Variants in SERINC3 observed in about 807,000 individuals in gnomAD.
SERINC3 encodes tumor differentially expressed protein 1.
SERINC3 carries 22 observed loss-of-function variants against 52.1 expected under a neutral mutation model. The ratio of observed to expected loss-of-function variants is 0.42; its 90% CI spans 0.30 to 0.60. The LOEUF (loss-of-function observed/expected upper bound fraction) is 0.60, where lower values mean the gene tolerates loss of function less well. SERINC3 is among the 20% of genes least tolerant of loss of function. The probability of loss-of-function intolerance (pLI) is 0.16; values close to 1 mark genes in which losing one functional copy is unlikely to be tolerated. For missense variants in SERINC3, 564 were observed against 584.6 expected (o/e 0.96, Z 0.36); for synonymous variants, 226 against 212.7 (o/e 1.06, Z -0.54).
chr20:44,519,821 C>A (rs901432066), intron 1 of SERINC3, among the ~76,000 whole-genome samples: 1 of 151,980 alleles, frequency 6.6e-6, no homozygotes, highest in African/African-American at 2.4e-5. Flanking sequence ...GTAGAAAGAG[C>A]TGAAACAGAA....
Position 44,498,260 on chromosome 20 carries a change from T to C in SERINC3, c.*2036A>G, listed in dbSNP as rs576145215. 6.6e-6 allele frequency: 1 copy of C among 152,350 alleles called. No individual in the cohort carries two copies. Among genetic ancestry groups the C allele is most frequent in the South Asian group, 2.1e-4 (1 of 4,822 alleles). The allele number at this position is 152,350 out of a possible 1,614,324, so 9.4% of individuals were successfully genotyped here. On this transcript the variant is annotated 3_prime_UTR_variant, in exon 10 of 10. Coordinates refer to ENST00000342374, the MANE Select transcript of SERINC3 (RefSeq NM_006811.4). The stretch of plus-strand genomic sequence containing the variant: ...AGAAATCTACCTCTCCTTCATATTA[T>C]TCATAACTGCCAGTGTTAAAATTCT...
chr20:44,503,561 C>T (rs923342308), intron 8 of SERINC3, among the ~76,000 whole-genome samples: 7 of 152,154 alleles, frequency 4.6e-5, no homozygotes, highest in African/African-American at 1.4e-4. Flanking sequence ...GGCAGAAGAA[C>T]TGCTTGAACC....
At chr20:44,512,326 A>C (rs1012092040) in intron 3 of SERINC3, among the ~76,000 whole-genome samples, 11 of 135,620 alleles carry the variant, frequency 8.1e-5, no homozygotes. Context: ...AAAACAAAAC[A>C]AAAAAAAAAA....
rs200866669 is a variant in SERINC3, at chr20:44,501,462, A to AT, written c.1056-163dup. Among the ~76,000 whole-genome samples, 1,355 of 152,370 alleles carry AT rather than the reference A, an allele frequency of 8.9e-3. 14 individuals are homozygous for AT. The highest frequency in any genetic ancestry group is 0.013 in the Non-Finnish European group (852 of 68,024). On this transcript the variant is annotated intron_variant, in intron 8 of 9. Coordinates refer to ENST00000342374, the MANE Select transcript of SERINC3 (RefSeq NM_006811.4). Reference sequence around the variant, plus strand: ...AAGTTCTGAACTGCTGCCTGTCATCATAAGACTGACGTCACTGTCATCAGT... The same window carrying AT: ...AAGTTCTGAACTGCTGCCTGTCATCATTAAGACTGACGTCACTGTCATCAGT...
chr20:44,504,064 T>A, intron 7 of SERINC3, 69 bp from the exon 8 acceptor site: 4 of 1,290,176 alleles, frequency 3.1e-6, no homozygotes, highest in Non-Finnish European at 3.2e-6. Flanking sequence ...ACTTGAGGAG[T>A]TCCCTACATA....
Position 44,513,985 on chromosome 20 carries a change from C to T in SERINC3, c.95G>A (p.Ser32Asn), listed in dbSNP as rs1568790032. The T allele has an allele frequency of 1.2e-6, 2 of 1,614,024 alleles. No homozygotes were observed. The highest frequency in any genetic ancestry group is 1.7e-5 in the Admixed American group (1 of 59,998). ...SCLLCSCCPN[S>N]KNSTVTRLIY... The stretch of plus-strand genomic sequence containing the variant: ...GAGGCGAGTCACCGTGGAATTCTTA[C>T]TGTTAGGACAGCAACTACACAGCAA... Residue 32 changes from serine to asparagine, a missense_variant, in exon 2 of 10, where the codon AGT becomes AAT. By Grantham distance (46) the Ser-to-Asn change is conservative. Coordinates refer to ENST00000342374, the MANE Select transcript of SERINC3 (RefSeq NM_006811.4).
At chr20:44,520,329 CCAGA>C (rs1237828566) in intron 1 of SERINC3, among the ~76,000 whole-genome samples, 2 of 152,162 alleles carry the variant, frequency 1.3e-5, no homozygotes, top group African/African-American at 2.4e-5. Context: ...CGCCACTGCC[CCAGA>C]CAGAGCATGG....
Position 44,501,125 on chromosome 20 carries a change from T to C in SERINC3, c.1231A>G (p.Met411Val), listed in dbSNP as rs2064276987. 1 of 1,614,106 alleles carries C rather than the reference T, an allele frequency of 6.2e-7. No individual in the cohort carries two copies. Among genetic ancestry groups the C allele is most frequent in the East Asian group, 2.2e-5 (1 of 44,874 alleles). The change falls in exon 9 of 10, where the codon ATG becomes GTG. Residue 411 changes from methionine to valine, a missense_variant. Physicochemically the swap from Met to Val is conservative, Grantham distance 21. Coordinates refer to ENST00000342374, the MANE Select transcript of SERINC3 (RefSeq NM_006811.4). Reference protein sequence around the residue: ...VQYSYSLFHLMLCLASLYIMM... With the variant: ...VQYSYSLFHLVLCLASLYIMM... ...ATGTACAAGGAAGCCAAGCAGAGCA[T>C]GAGGTGGAATAAGGAGTAGCTATAC...
rs2064258923 is a variant in SERINC3 at position 44,498,236 on chromosome 20, G to T, written c.*2060C>A. The T allele has an allele frequency of 6.6e-6, 1 of 152,180 alleles. No individual in the cohort carries two copies. Among genetic ancestry groups the T allele is most frequent in the Non-Finnish European group, 1.5e-5 (1 of 68,032 alleles). 9.4% of individuals were successfully genotyped at this position (152,180 alleles called of 1,614,324 possible). On this transcript the variant is annotated 3_prime_UTR_variant, in exon 10 of 10. Coordinates refer to ENST00000342374, the MANE Select transcript of SERINC3 (RefSeq NM_006811.4). ...CAGCTGGTTAAACCAGAATCACTCA[G>T]AAATCTACCTCTCCTTCATATTATT...
intron 3 of SERINC3, among the ~76,000 whole-genome samples, chr20:44,512,569 C>T (rs2064355070): frequency 6.6e-6 from 1 of 151,974 alleles, no homozygotes; most frequent in African/African-American, 2.4e-5. Context: ...GAACATGAAG[C>T]AAAGGAATTT....
chr20:44,521,847 G>A, intron 1 of SERINC3, 66 bp downstream of exon 1: 1 of 1,488,666 alleles, frequency 6.7e-7, no homozygotes, highest in South Asian at 1.2e-5. Flanking sequence ...GGCCCGTGCA[G>A]CTCTGGTCTC....
At position 44,501,268 on chromosome 20, in the gene SERINC3, T is replaced by C; in HGVS notation, c.1088A>G (p.Lys363Arg). ...IRTSTNSQVDKLTLSGSDSVI... is the reference protein window; with the variant it reads ...IRTSTNSQVDRLTLSGSDSVI... ...GCTGTCACTCCCTGACAGGGTCAGC[T>C]TGTCTACTTGGCTATTAGTGGAAGT... Residue 363 changes from lysine to arginine, a missense_variant, in exon 9 of 10, where the codon AAG (lysine) becomes AGG (arginine). By Grantham distance (26) the Lys-to-Arg change is conservative. Transcript: ENST00000342374. 6.2e-7 allele frequency: 1 copy of C among 1,614,182 alleles called. No individual in the cohort carries two copies. The highest frequency in any genetic ancestry group is 1.1e-5 in the South Asian group (1 of 91,082).
rs1293959783 is a variant in SERINC3, at chr20:44,498,062, T to C, written c.*2234A>G. The C allele has an allele frequency of 1.3e-5, 2 of 151,182 alleles. No individual in the cohort carries two copies. Among genetic ancestry groups the C allele is most frequent in the African/African-American group, 2.5e-5 (1 of 40,680 alleles). The allele number at this position is 151,182 out of a possible 1,614,324, so 9.4% of individuals were successfully genotyped here. A position where few individuals can be genotyped will look rare whatever the true frequency, so the allele number is the denominator to read the frequency against. On this transcript the variant is annotated 3_prime_UTR_variant, in exon 10 of 10. Transcript: ENST00000342374. ...AACAAATAATAGCTGACAAGTTTGA[T>C]AGCCAGAAAACGGCAAAGCTGGGAT...
At position 44,514,034 on chromosome 20, in the gene SERINC3, A is replaced by G; in HGVS notation, c.46T>C (p.Cys16Arg). ...GVFSLASWVP[C>R]LCSGASCLLC... Reference sequence around the variant, plus strand: ...AAACATGAGGCACCGCTGCAGAGGCATGGAACCTGGAATGAGCACACCATG... The same window carrying G: ...AAACATGAGGCACCGCTGCAGAGGCGTGGAACCTGGAATGAGCACACCATG... The change falls in exon 2 of 10, where the codon TGC becomes CGC. Residue 16 changes from cysteine (C) to arginine (R), a missense_variant. Cys to Arg is a radical substitution (Grantham distance 180). Transcript: ENST00000342374. The G allele has an allele frequency of 6.2e-7, 1 of 1,613,938 alleles. No individual in the cohort carries two copies. Among genetic ancestry groups the G allele is most frequent in the Non-Finnish European group, 8.5e-7 (1 of 1,179,888 alleles).
rs190784293 is a variant in SERINC3, at chr20:44,499,984, T to C, written c.*312A>G. The C allele has an allele frequency of 1.0e-5, 2 of 194,884 alleles. No homozygotes were observed. Among genetic ancestry groups the C allele is most frequent in the African/African-American group, 2.3e-5 (1 of 43,142 alleles). The allele number at this position is 194,884 out of a possible 1,614,324, so 12.1% of individuals were successfully genotyped here. On this transcript the variant is annotated 3_prime_UTR_variant, in exon 10 of 10. Transcript: ENST00000342374. ...ATATCCAACATTTTCCTATCTTACA[T>C]TTTAAACCAAAGTTAAAAGAACCTA... is the stretch of plus-strand genomic sequence containing the variant.
chr20:44,500,337 G>A lies in SERINC3; in HGVS notation c.1381C>T (p.Leu461Phe), dbSNP rs1273560775. The A allele has an allele frequency of 4.3e-6, 7 of 1,610,634 alleles. No individual in the cohort carries two copies. The Middle Eastern group carries it at 6.6e-4, about 152-fold the overall frequency. The change falls in exon 10 of 10, where the codon CTT (leucine) becomes TTT (phenylalanine). Residue 461 changes from leucine (L) to phenylalanine (F), a missense_variant. Leu to Phe is a conservative substitution (Grantham distance 22). Transcript: ENST00000342374. The stretch of plus-strand genomic sequence containing the variant: ...CTGGTGAGGACAAGTGGAGCCACAA[G>A]GGTCCAGACGTAAAGCAGGAGGCAG... ...WVCLLLYVWT[L>F]VAPLVLTSRD...
At chr20:44,519,781 GT>G (rs1461326588) in intron 1 of SERINC3, among the ~76,000 whole-genome samples, 1 of 150,698 alleles carries the variant, frequency 6.6e-6, no homozygotes, top group Non-Finnish European at 1.5e-5. Context: ...GCAAAACTCT[GT>G]CCCCCTCCAA....
intron 6 of SERINC3, among the ~76,000 whole-genome samples, chr20:44,505,829 A>C (rs989879958): frequency 1.3e-5 from 2 of 151,178 alleles, no homozygotes; most frequent in Admixed American, 6.6e-5. Flanking sequence ...TGAACTCCTG[A>C]CCTCAAGTGA....
At chr20:44,515,298 G>A (rs1249522952) in intron 1 of SERINC3, among the ~76,000 whole-genome samples, 2 of 152,160 alleles carry the variant, frequency 1.3e-5, no homozygotes, top group East Asian at 3.9e-4. Context: ...AGGTTGCATT[G>A]AGCTGAAATC....
Sources: allele counts gnomAD v4.1 joint callset (sites outside exome capture counted in the v4.1 genomes callset), GRCh38; gene constraint gnomAD v4.1.1; transcripts MANE v1.5; gene names NCBI Gene and HGNC (gene_info 2026-07-23, HGNC 2026-07-21).